BRCA2: variants seen among roughly 807,000 people sequenced by gnomAD.
BRCA2 encodes BRCA2 DNA repair associated.
BRCA2 carries 203 observed loss-of-function variants against 276.7 expected under a neutral mutation model. The observed-to-expected ratio is 0.73, with a 90% CI of 0.65 to 0.82. BRCA2 has a LOEUF of 0.82. Ranked by LOEUF, BRCA2 falls within the 40% of genes least tolerant of loss-of-function variation. BRCA2 has a pLI of 0.00. For synonymous variants in BRCA2, 1,289 were observed against 1,338.4 expected (o/e 0.96, Z 0.81); for missense variants, 3,920 against 3,915.0 (o/e 1.00, Z -0.03).
At chr13:32,332,204 G>T (rs1288838463) in intron 9 of BRCA2, 68 bp from the exon 10 acceptor site, 1 of 1,398,776 alleles carries the variant, frequency 7.1e-7, no homozygotes, top group East Asian at 2.4e-5. Flanking sequence ...TATGAGAAAG[G>T]TTGTGAGAAT....
intron 20 of BRCA2, among the ~76,000 whole-genome samples, chr13:32,372,244 A>G (rs914391466): frequency 6.6e-6 from 1 of 152,238 alleles, no homozygotes; most frequent in Non-Finnish European, 1.5e-5. Context: ...TCATTTCAAC[A>G]ATATTCACAG....
rs1555283363 is a variant in BRCA2, at chr13:32,338,046, A to G, written c.3691A>G (p.Thr1231Ala). The change falls in exon 11 of 27, where the codon ACT becomes GCT. Residue 1231 changes from threonine to alanine, a missense_variant. Transcript: ENST00000380152. ...SAHGTKLNVS[T>A]EALQKAVKLF... ...TCATGGCACAAAACTGAATGTTTCT[A>G]CTGAAGCTCTGCAAAAAGCTGTGAA... 3 of 1,611,928 alleles carry G rather than the reference A, an allele frequency of 1.9e-6. No individual in the cohort carries two copies. The highest frequency in any genetic ancestry group is 1.7e-6 in the Non-Finnish European group (2 of 1,178,982).
At chr13:32,367,132 G>A (rs553686909) in intron 18 of BRCA2, among the ~76,000 whole-genome samples, 60 of 152,062 alleles carry the variant, frequency 3.9e-4, no homozygotes, top group South Asian at 1.2e-3. Context: ...AATAATTTGA[G>A]CATCAGAAAG....
chr13:32,325,975 TATAAA>T, intron 4 of BRCA2, 121 bp from the exon 5 acceptor site: 1 of 830,650 alleles, frequency 1.2e-6, no homozygotes, highest in Non-Finnish European at 1.9e-6. Flanking sequence ...TAAAATGTAA[TATAAA>T]ATATCTAAAA....
At chr13:32,394,978 AT>A (rs1566259311) in intron 25 of BRCA2, 45 bp downstream of exon 25, 1 of 1,610,212 alleles carries the variant, frequency 6.2e-7, no homozygotes, top group South Asian at 1.1e-5. Context: ...GTATTTTTCT[AT>A]TTTGACAGTC....
At chr13:32,348,286 A>G (rs1340931969) in intron 13 of BRCA2, among the ~76,000 whole-genome samples, 1 of 152,056 alleles carries the variant, frequency 6.6e-6, no homozygotes, top group Non-Finnish European at 1.5e-5. Flanking sequence ...TAAAATAAAT[A>G]CATAATTTTA....
chr13:32,317,364 C>T (rs566990394), intron 2 of BRCA2, among the ~76,000 whole-genome samples: 13 of 152,140 alleles, frequency 8.5e-5, no homozygotes, highest in African/African-American at 3.1e-4. Context: ...TAATGTCTGG[C>T]TAAATAGAGA....
Position 32,340,193 on chromosome 13 carries a change from A to C in BRCA2, c.5838A>C (p.Ser1946=), listed in dbSNP as rs2137521524. 2 of 1,613,692 alleles carry C rather than the reference A, an allele frequency of 1.2e-6. No homozygotes were observed. The highest frequency in any genetic ancestry group is 1.7e-6 in the Non-Finnish European group (2 of 1,179,710). ...MSGLEKVSKI[S]PCDVSLETSD... ...GATTGGAGAAAGTTTCTAAAATATC[A>C]CCTTGTGATGTTAGTTTGGAAACTT... The change falls in exon 11 of 27, where the codon TCA becomes TCC. Residue 1946 remains serine, a synonymous_variant. Coordinates refer to ENST00000380152, the MANE Select transcript of BRCA2 (RefSeq NM_000059.4).
At chr13:32,386,244 C>T (rs1022204994) in intron 24 of BRCA2, 6 of 152,152 alleles carry the variant, frequency 3.9e-5, no homozygotes, top group Non-Finnish European at 7.3e-5. Flanking sequence ...CGCTTCTCTA[C>T]TAAAAATACA....
intron 18 of BRCA2, among the ~76,000 whole-genome samples, chr13:32,364,514 C>T (rs1321644308): frequency 2.0e-5 from 3 of 152,142 alleles, no homozygotes; most frequent in African/African-American, 7.2e-5. Context: ...ACCCTCTTCC[C>T]CATCTTCCCT....
chr13:32,321,496 T>G (rs1236746036), intron 3 of BRCA2, among the ~76,000 whole-genome samples: 1 of 152,142 alleles, frequency 6.6e-6, no homozygotes, highest in Admixed American at 6.5e-5. Flanking sequence ...ATACCTAAGG[T>G]CAAATGGTTA....
intron 24 of BRCA2, among the ~76,000 whole-genome samples, chr13:32,380,644 C>G (rs543278794): frequency 7.9e-5 from 12 of 151,422 alleles, no homozygotes; most frequent in Non-Finnish European, 5.9e-5. Flanking sequence ...AGGTTCACAC[C>G]ATTCTCCTGC....
chr13:32,338,818 A>G lies in BRCA2; in HGVS notation c.4463A>G (p.His1488Arg), dbSNP rs1335405008. Reference protein sequence around the residue: ...LSYEETDIVKHKILKESVPVG... With the variant: ...LSYEETDIVKRKILKESVPVG... ...TATGAGGAAACAGACATAGTTAAAC[A>G]CAAAATACTGAAAGAAAGTGTCCCA... Residue 1488 changes from histidine to arginine, a missense_variant, in exon 11 of 27, where the codon CAC becomes CGC. This residue lies in a region of BRCA2 where 3,263 missense variants were observed against 3,156.9 expected (regional missense o/e 1.03). Coordinates refer to ENST00000380152, the MANE Select transcript of BRCA2 (RefSeq NM_000059.4). 8 of 1,613,876 alleles carry G rather than the reference A, an allele frequency of 5.0e-6. No individual in the cohort carries two copies. The highest frequency in any genetic ancestry group is 6.8e-6 in the Non-Finnish European group (8 of 1,179,862).
chr13:32,375,718 G>T (rs11571756), intron 20 of BRCA2, among the ~76,000 whole-genome samples: 7 of 152,032 alleles, frequency 4.6e-5, no homozygotes, highest in Admixed American at 4.6e-4. Flanking sequence ...GTGCCACCAC[G>T]CCCGGCTAAT....
chr13:32,392,838 G>T (rs1278193441), intron 24 of BRCA2, among the ~76,000 whole-genome samples: 1 of 151,874 alleles, frequency 6.6e-6, no homozygotes, highest in Non-Finnish European at 1.5e-5. Flanking sequence ...TTTGTTCTGG[G>T]ATCCCAAATT....
At chr13:32,332,150 A>G (rs1031129784) in intron 9 of BRCA2, 122 bp from the exon 10 acceptor site, 19 of 988,112 alleles carry the variant, frequency 1.9e-5, no homozygotes, top group Middle Eastern at 3.4e-4. Flanking sequence ...TAACCCTTTA[A>G]ATACTGATAT....
intron 15 of BRCA2, among the ~76,000 whole-genome samples, chr13:32,357,295 A>T (rs1189335525): frequency 1.3e-5 from 2 of 152,214 alleles, no homozygotes; most frequent in Non-Finnish European, 2.9e-5. Context: ...GAACAAACAA[A>T]AAGACACTTT....
rs786203548 is a variant in BRCA2 at position 32,333,249 on chromosome 13, A to G, written c.1771A>G (p.Ile591Val). Residue 591 changes from isoleucine to valine, a missense_variant, in exon 10 of 27, where the codon ATT becomes GTT. Coordinates refer to ENST00000380152, the MANE Select transcript of BRCA2 (RefSeq NM_000059.4). ...STLKKKTNKF[I>V]YAIHDETSYK... is the part of the protein sequence containing the mutation. The stretch of plus-strand genomic sequence containing the variant: ...TTTGAAAAAGAAAACAAATAAGTTT[A>G]TTTATGCTATACATGATGAAACATC... 2 of 1,611,966 alleles carry G rather than the reference A, an allele frequency of 1.2e-6. No individual in the cohort carries two copies. Among genetic ancestry groups the G allele is most frequent in the Non-Finnish European group, 1.7e-6 (2 of 1,178,704 alleles).
chr13:32,370,829 G>A, intron 19 of BRCA2, 127 bp from the exon 20 acceptor site: 1 of 1,208,556 alleles, frequency 8.3e-7, no homozygotes, highest in East Asian at 2.5e-5. Context: ...CTGACCTCAG[G>A]TGATCCACTA....
Sources: gnomAD v4.1 joint callset for allele counts (sites outside exome capture counted in the v4.1 genomes callset) on GRCh38, gnomAD v4.1.1 for gene constraint, gnomAD v4.1.1 regional missense constraint, MANE v1.5 for transcripts, NCBI Gene and HGNC (gene_info 2026-07-23, HGNC 2026-07-21) for gene names.